The following ALPK1 variants were observed in gnomAD, a reference collection of about 807,000 sequenced individuals.
The protein encoded by ALPK1 is alpha-protein kinase 1.
ALPK1 carries 110 observed loss-of-function variants against 120.6 expected under a neutral mutation model. The observed-to-expected ratio is 0.91, with a 90% CI of 0.78 to 1.07. The LOEUF is 1.07. Ranked by LOEUF, ALPK1 falls within the 50% of genes least tolerant of loss-of-function variation. The pLI is 0.00. For synonymous variants in ALPK1, 582 were observed against 560.3 expected (o/e 1.04, Z -0.55); for missense variants, 1,498 against 1,483.9 (o/e 1.01, Z -0.16).
At chr4:112,325,148 A>G (rs180834087) in intron 2 of ALPK1, among the ~76,000 whole-genome samples, 2 of 152,368 alleles carry the variant, frequency 1.3e-5, no homozygotes, top group Non-Finnish European at 2.9e-5. Context: ...GACTCACTAT[A>G]CAAAGTAATC....
intron 2 of ALPK1, among the ~76,000 whole-genome samples, chr4:112,334,440 A>T (rs1729523921): frequency 6.6e-6 from 1 of 151,638 alleles, no homozygotes; most frequent in African/African-American, 2.4e-5. Context: ...CTCAAAAAAA[A>T]AAAAAAAGAA....
At chr4:112,341,814 G>A (rs994229894) in intron 2 of ALPK1, among the ~76,000 whole-genome samples, 4 of 152,070 alleles carry the variant, frequency 2.6e-5, no homozygotes, top group East Asian at 3.9e-4. Flanking sequence ...TAATGATATC[G>A]GTGCCAAGAG....
In ALPK1 at chr4:112,308,805, T is replaced by A. The variant is rs916264023; in HGVS notation, c.-152-6996T>A. ...GTTGCTGGAGAGGAGCTGCGTTCCT[T>A]TGGAGGGGGAGGGGCGCTCTGATTT... On this transcript the variant is annotated intron_variant, in intron 1 of 15. Coordinates refer to ENST00000650871, the MANE Select transcript of ALPK1 (RefSeq NM_025144.4). 5.3e-5 allele frequency among the ~76,000 whole-genome samples: 8 copies of A among 152,102 alleles called. 1 individual carries two copies. Among genetic ancestry groups the A allele is most frequent in the African/African-American group, 1.9e-4 (8 of 41,350 alleles).
Position 112,325,756 on chromosome 4 carries a change from T to C in ALPK1, c.-101+9904T>C, listed in dbSNP as rs556561559. ...TGCTGCTCTCATAATTGGAGATTGA[T>C]TGCCTCCAGGGTTCACAAATGTTTC... On this transcript the variant is annotated intron_variant, in intron 2 of 15. Coordinates refer to ENST00000650871, the MANE Select transcript of ALPK1 (RefSeq NM_025144.4). 1.2e-4 allele frequency among the ~76,000 whole-genome samples: 18 copies of C among 152,340 alleles called. No homozygotes were observed. In the South Asian group the frequency reaches 2.9e-3, roughly 25 times the overall value.
At chr4:112,338,151 G>C (rs1729704567) in intron 2 of ALPK1, among the ~76,000 whole-genome samples, 1 of 152,108 alleles carries the variant, frequency 6.6e-6, no homozygotes, top group Non-Finnish European at 1.5e-5. Context: ...ATTTTTAGTA[G>C]AGACGGGGTT....
chr4:112,361,992 A>G (rs887061343), intron 2 of ALPK1, among the ~76,000 whole-genome samples: 1 of 152,190 alleles, frequency 6.6e-6, no homozygotes, highest in Non-Finnish European at 1.5e-5. Context: ...AGCAATAACA[A>G]TCACTGCAGT....
intron 2 of ALPK1, chr4:112,356,517 T>G (rs1730622591): frequency 3.5e-6 from 3 of 869,518 alleles, no homozygotes; most frequent in South Asian, 1.3e-5. Context: ...TCAGAACACC[T>G]CCTACCGGCC....
intron 4 of ALPK1, among the ~76,000 whole-genome samples, chr4:112,393,299 C>G (rs1227055523): frequency 1.3e-5 from 2 of 152,124 alleles, no homozygotes; most frequent in Non-Finnish European, 2.9e-5. Context: ...CACAATACAA[C>G]TGAAGCATGT....
chr4:112,425,750 G>T lies in ALPK1; in HGVS notation c.621G>T (p.Leu207=). Residue 207 remains leucine, a splice_region_variant and synonymous_variant, in exon 7 of 16, where the codon CTG becomes CTT. Coordinates refer to ENST00000650871, the MANE Select transcript of ALPK1 (RefSeq NM_025144.4). The part of the protein sequence containing the change: ...IQIRGQILQK[L]GMWYEAAELI... ...TCAGAGGGCAGATTCTGCAAAAGCT[G>T]GGTACAATCATGTAAAACTTGCATT... 1 of 1,609,878 alleles carries T rather than the reference G, an allele frequency of 6.2e-7. No individual in the cohort carries two copies. Among genetic ancestry groups the T allele is most frequent in the South Asian group, 1.1e-5 (1 of 90,502 alleles).
At chr4:112,376,674 T>C (rs554482595) in intron 2 of ALPK1, among the ~76,000 whole-genome samples, 4 of 152,332 alleles carry the variant, frequency 2.6e-5, no homozygotes, top group Non-Finnish European at 4.4e-5. Flanking sequence ...ATATTTTCAA[T>C]GGTTACTTCA....
chr4:112,374,158 A>C (rs1731545532), intron 2 of ALPK1, among the ~76,000 whole-genome samples: 1 of 152,212 alleles, frequency 6.6e-6, no homozygotes, highest in Non-Finnish European at 1.5e-5. Context: ...GGTCCTCTTA[A>C]ATCCCGCTGC....
chr4:112,333,746 TA>T (rs1729488059), intron 2 of ALPK1, among the ~76,000 whole-genome samples: 1 of 152,096 alleles, frequency 6.6e-6, no homozygotes. Flanking sequence ...TGACATAAAT[TA>T]GAAAAAAAAT....
Position 112,430,915 on chromosome 4 carries a change from T to C in ALPK1, c.1368T>C (p.Leu456=), listed in dbSNP as rs1297553251. ...GGCAAGGGGATTTCCAAAAAATCCT[T>C]GACACCTATTCACAGCACCATACTT... ...LHGQGDFQKI[L]DTYSQHHTSV... is the part of the protein sequence containing the mutation. Residue 456 remains leucine, a synonymous_variant, in exon 11 of 16, where the codon CTT becomes CTC. Transcript: ENST00000650871. 3 of 1,614,058 alleles carry C rather than the reference T, an allele frequency of 1.9e-6. No individual in the cohort carries two copies. Among genetic ancestry groups the C allele is most frequent in the Non-Finnish European group, 2.5e-6 (3 of 1,180,020 alleles).
chr4:112,438,747 C>A, intron 13 of ALPK1, 101 bp downstream of exon 13: 1 of 1,335,190 alleles, frequency 7.5e-7, no homozygotes, highest in Non-Finnish European at 1.0e-6. Flanking sequence ...GCATTTTTAG[C>A]AAACTATCCT....
chr4:112,327,156 G>T (rs1043907346), intron 2 of ALPK1, among the ~76,000 whole-genome samples: 3 of 152,140 alleles, frequency 2.0e-5, no homozygotes, highest in African/African-American at 7.2e-5. Flanking sequence ...GAGACAGTGT[G>T]GTGAATTTGT....
At chr4:112,375,369 G>A (rs1169026180) in intron 2 of ALPK1, among the ~76,000 whole-genome samples, 10 of 151,854 alleles carry the variant, frequency 6.6e-5, no homozygotes, top group African/African-American at 2.2e-4. Flanking sequence ...TTGTAGAGAT[G>A]GGGTCTCCCT....
intron 2 of ALPK1, among the ~76,000 whole-genome samples, chr4:112,340,126 C>T (rs1005046893): frequency 7.2e-5 from 11 of 152,206 alleles, no homozygotes; most frequent in Admixed American, 7.2e-4. Context: ...CTCTGTTCAT[C>T]GTCTTCAAAG....
Position 112,441,345 on chromosome 4 carries a change from T to C in ALPK1, c.*135T>C, listed in dbSNP as rs1735034535. On this transcript the variant is annotated 3_prime_UTR_variant, in exon 16 of 16. Transcript: ENST00000650871. ...TGGCAGCACAAGATCCTGCAGAGCCTCTTTCCCTCTGCCACAGTTATCAAG... is the reference window on the plus strand; with the variant it reads ...TGGCAGCACAAGATCCTGCAGAGCCCCTTTCCCTCTGCCACAGTTATCAAG... The C allele has an allele frequency of 9.1e-6, 7 of 768,238 alleles. No individual in the cohort carries two copies. Among genetic ancestry groups the C allele is most frequent in the Non-Finnish European group, 1.4e-5 (6 of 420,426 alleles). The allele number at this position is 768,238 out of a possible 1,614,324, so 47.6% of individuals were successfully genotyped here. A position where few individuals can be genotyped will look rare whatever the true frequency, so the allele number is the denominator to read the frequency against.
intron 2 of ALPK1, among the ~76,000 whole-genome samples, chr4:112,363,157 C>T (rs1730990081): frequency 6.6e-6 from 1 of 152,050 alleles, no homozygotes; most frequent in Non-Finnish European, 1.5e-5. Context: ...TCTCACAGGA[C>T]CTATAAAACC....
Sources: allele counts gnomAD v4.1 joint callset (sites outside exome capture counted in the v4.1 genomes callset), GRCh38; gene constraint gnomAD v4.1.1; transcripts MANE v1.5; gene names NCBI Gene and HGNC (gene_info 2026-07-23, HGNC 2026-07-21).